Variants in GRID2 observed in about 807,000 individuals in gnomAD.
GRID2 encodes glutamate ionotropic receptor delta type subunit 2.
Under a neutral mutation model 114.8 loss-of-function variants are expected in GRID2, and 33 were observed. That is an observed-to-expected ratio of 0.29 (90% CI 0.22 to 0.38). The LOEUF (loss-of-function observed/expected upper bound fraction) is 0.38. GRID2 is among the 10% of genes least tolerant of loss of function. GRID2 has a pLI of 1.00. For missense variants in GRID2, 1,184 were observed against 1,257.7 expected (o/e 0.94, Z 0.89); for synonymous variants, 505 against 449.9 (o/e 1.12, Z -1.55).
At chr4:93,473,762 A>G (rs1560657249) in intron 11 of GRID2, among the ~76,000 whole-genome samples, 1 of 152,160 alleles carries the variant, frequency 6.6e-6, no homozygotes, top group Non-Finnish European at 1.5e-5. Context: ...ATGTCTTCAC[A>G]TAAAAACTAC....
chr4:92,703,639 AT>A (rs1734792923), intron 2 of GRID2, among the ~76,000 whole-genome samples: 3 of 148,340 alleles, frequency 2.0e-5, no homozygotes, highest in East Asian at 3.9e-4. Context: ...ATATATATAT[AT>A]ATATAAAATC....
intron 13 of GRID2, among the ~76,000 whole-genome samples, chr4:93,587,041 G>C (rs1013322503): frequency 8.6e-5 from 13 of 151,996 alleles, no homozygotes; most frequent in Non-Finnish European, 1.8e-4. Flanking sequence ...CACTGATGTT[G>C]ACTGAATTCA....
chr4:92,482,972 T>C (rs1296041009), intron 1 of GRID2, among the ~76,000 whole-genome samples: 3 of 152,166 alleles, frequency 2.0e-5, no homozygotes, highest in Admixed American at 2.0e-4. Context: ...ATTGTATCCA[T>C]ACATGGAATA....
chr4:93,515,224 A>G lies in GRID2; in HGVS notation c.2006A>G (p.Gln669Arg), dbSNP rs1729595389. 1 of 1,570,386 alleles carries G rather than the reference A, an allele frequency of 6.4e-7. No homozygotes were observed. The highest frequency in any genetic ancestry group is 1.1e-5 in the South Asian group (1 of 88,330). Reference sequence around the variant, plus strand: ...CTCTCCCAATAATCAAGGTCTCTCCAGGACCTTTCCAAGCAAACAGAAATC... The same window carrying G: ...CTCTCCCAATAATCAAGGTCTCTCCGGGACCTTTCCAAGCAAACAGAAATC... ...TRIESSIQSL[Q>R]DLSKQTEIPY... The change falls in exon 13 of 16, where the codon CAG (glutamine) becomes CGG (arginine). Residue 669 changes from glutamine (Q) to arginine (R), a missense_variant. This residue lies in a region of GRID2 where 717 missense variants were observed against 796.9 expected (regional missense o/e 0.90). Coordinates refer to ENST00000282020, the MANE Select transcript of GRID2 (RefSeq NM_001510.4).
intron 7 of GRID2, among the ~76,000 whole-genome samples, chr4:93,232,430 GT>G (rs1746257338): frequency 6.6e-6 from 1 of 151,068 alleles, no homozygotes; most frequent in African/African-American, 2.4e-5. Context: ...GAAAATATCA[GT>G]TTATGCAATA....
chr4:93,593,838 T>C (rs183727817), intron 13 of GRID2, among the ~76,000 whole-genome samples: 1 of 152,170 alleles, frequency 6.6e-6, no homozygotes, highest in Non-Finnish European at 1.5e-5. Context: ...TTCTTCCAGT[T>C]GATCGCATCG....
intron 11 of GRID2, among the ~76,000 whole-genome samples, chr4:93,486,939 T>C (rs1259253071): frequency 4.0e-5 from 6 of 151,794 alleles, no homozygotes; most frequent in East Asian, 3.9e-4. Flanking sequence ...TGGTAGATTT[T>C]GTTAGTAAGA....
In GRID2 at chr4:93,231,770, A is replaced by G. The variant is rs182869441; in HGVS notation, c.1126-6601A>G. Among the ~76,000 whole-genome samples the G allele has an allele frequency of 3.9e-5, 6 of 152,246 alleles. No individual in the cohort carries two copies. The East Asian group carries it at 1.2e-3, about 29-fold the overall frequency. ...CTAAACTGGTATTGTATTTGCATCA[A>G]ACTTTCATCTCTTCCTCTGTCCAGT... On this transcript the variant is annotated intron_variant, in intron 7 of 15. Transcript: ENST00000282020.
Position 93,735,686 on chromosome 4 carries a change from A to G in GRID2, c.2361-33524A>G, listed in dbSNP as rs1355717802. On this transcript the variant is annotated intron_variant, in intron 14 of 15. Coordinates refer to ENST00000282020, the MANE Select transcript of GRID2 (RefSeq NM_001510.4). The stretch of plus-strand genomic sequence containing the variant: ...GCACGTTTTCTTTAGGGCAATGTTG[A>G]CATTGGCTAGTCAATAAAATAATGT... Among the ~76,000 whole-genome samples the G allele has an allele frequency of 1.2e-4, 18 of 152,078 alleles. 1 individual carries two copies. Among genetic ancestry groups the G allele is most frequent in the Admixed American group, 1.2e-3 (18 of 15,266 alleles).
At chr4:93,317,239 A>G (rs1298714346) in intron 8 of GRID2, among the ~76,000 whole-genome samples, 1 of 152,054 alleles carries the variant, frequency 6.6e-6, no homozygotes, top group Admixed American at 6.6e-5. Flanking sequence ...GGTTACCTGA[A>G]TGTAATTACC....
At chr4:93,527,103 T>A (rs1392542959) in intron 13 of GRID2, among the ~76,000 whole-genome samples, 3 of 152,156 alleles carry the variant, frequency 2.0e-5, no homozygotes, top group Admixed American at 6.6e-5. Flanking sequence ...TCATTCTGAT[T>A]TATGTGTTCA....
chr4:92,904,975 C>G (rs958282714), intron 2 of GRID2, among the ~76,000 whole-genome samples: 8 of 151,956 alleles, frequency 5.3e-5, no homozygotes, highest in Non-Finnish European at 1.0e-4. Flanking sequence ...GTTAGCTGAA[C>G]AATTCAAGGT....
At chr4:93,647,101 G>A (rs1722179570) in intron 14 of GRID2, among the ~76,000 whole-genome samples, 1 of 152,110 alleles carries the variant, frequency 6.6e-6, no homozygotes. Context: ...GTTAGATGAA[G>A]GACTTTGAGC....
At chr4:93,246,342 C>T (rs1482003518) in intron 8 of GRID2, among the ~76,000 whole-genome samples, 2 of 152,064 alleles carry the variant, frequency 1.3e-5, no homozygotes, top group African/African-American at 2.4e-5. Context: ...AATCCCATCA[C>T]TTTGGGAGGC....
At chr4:92,471,260 T>C (rs543902255) in intron 1 of GRID2, among the ~76,000 whole-genome samples, 11 of 152,188 alleles carry the variant, frequency 7.2e-5, no homozygotes, top group Middle Eastern at 3.4e-3. Flanking sequence ...AAATATTCTA[T>C]TGGGCATCCT....
At chr4:92,422,590 G>T (rs998901485) in intron 1 of GRID2, among the ~76,000 whole-genome samples, 2 of 151,994 alleles carry the variant, frequency 1.3e-5, no homozygotes, top group African/African-American at 4.8e-5. Flanking sequence ...GTCCTCTTGT[G>T]TTGAGTCTGT....
At chr4:92,473,178 C>A (rs1560654105) in intron 1 of GRID2, among the ~76,000 whole-genome samples, 1 of 152,044 alleles carries the variant, frequency 6.6e-6, no homozygotes, top group Non-Finnish European at 1.5e-5. Context: ...CCCTTCACAC[C>A]TTTATCAAAA....
chr4:92,553,481 G>A (rs917969341), intron 1 of GRID2, among the ~76,000 whole-genome samples: 4 of 151,822 alleles, frequency 2.6e-5, no homozygotes, highest in Admixed American at 1.3e-4. Context: ...GTATACCTTC[G>A]TAATTCTCAG....
At chr4:92,586,397 C>A (rs1228887256) in intron 1 of GRID2, among the ~76,000 whole-genome samples, 3 of 141,082 alleles carry the variant, frequency 2.1e-5, no homozygotes, top group Non-Finnish European at 4.7e-5. Flanking sequence ...CACACACATA[C>A]ACACACACAG....
Sources: allele counts gnomAD v4.1 joint callset (sites outside exome capture counted in the v4.1 genomes callset), GRCh38; gene constraint gnomAD v4.1.1; regional missense constraint gnomAD v4.1.1; transcripts MANE v1.5; gene names NCBI Gene and HGNC (gene_info 2026-07-23, HGNC 2026-07-21).